The following DCAF6 variants were observed in gnomAD, a reference collection of about 807,000 sequenced individuals.
DCAF6 encodes the protein DDB1 and CUL4 associated factor 6.
A neutral mutation model predicts 125.1 loss-of-function variants in DCAF6; 54 were observed. That is an observed-to-expected ratio of 0.43 (90% CI 0.35 to 0.54). The LOEUF (loss-of-function observed/expected upper bound fraction) is 0.54. Ranked by LOEUF, DCAF6 falls within the 20% of genes least tolerant of loss-of-function variation. The probability of loss-of-function intolerance (pLI) is 0.01; values close to 1 mark genes in which losing one functional copy is unlikely to be tolerated. For missense variants in DCAF6, 934 were observed against 1,161.7 expected, an observed-to-expected ratio of 0.80 and a Z score of 2.85; for synonymous variants, 371 against 390.4, an observed-to-expected ratio of 0.95 and a Z score of 0.58.
the DCAF6 span, among the ~76,000 whole-genome samples, chr1:167,894,901 C>T: frequency 6.6e-6 from 1 of 152,074 alleles, no homozygotes; most frequent in Non-Finnish European, 1.5e-5. Flanking sequence ...AATTGCACTG[C>T]AGGCCGAGCA....
At chr1:167,967,520 TTGACA>T (rs1414951354) in intron 3 of DCAF6, among the ~76,000 whole-genome samples, 1 of 152,198 alleles carries the variant, frequency 6.6e-6, no homozygotes, top group Admixed American at 6.5e-5. Flanking sequence ...TTCTTTACAC[TTGACA>T]TAACAGTTAA....
At position 167,991,195 on chromosome 1, in the gene DCAF6, G is replaced by A. The variant is rs1680772262; in HGVS notation, c.553-9G>A. On this transcript the variant is annotated splice_polypyrimidine_tract_variant and intron_variant, in intron 5 of 21. Transcript: ENST00000367840. Reference sequence around the variant, plus strand: ...CTATATGTAATTGGTATTATGTTATGTTTTGTAGGATATTTTAATTAACTG... The same window carrying A: ...CTATATGTAATTGGTATTATGTTATATTTTGTAGGATATTTTAATTAACTG... The A allele has an allele frequency of 6.2e-7, 1 of 1,608,520 alleles. No individual in the cohort carries two copies. The highest frequency in any genetic ancestry group is 8.5e-7 in the Non-Finnish European group (1 of 1,178,110).
chr1:168,058,829 C>G (rs1467639479), intron 17 of DCAF6, among the ~76,000 whole-genome samples: 2 of 152,188 alleles, frequency 1.3e-5, no homozygotes, highest in African/African-American at 4.8e-5. Flanking sequence ...CTCGGCCTCC[C>G]AAAGTGCTGG....
chr1:168,030,806 G>T (rs1283151527), intron 12 of DCAF6, among the ~76,000 whole-genome samples: 1 of 152,170 alleles, frequency 6.6e-6, no homozygotes, highest in African/African-American at 2.4e-5. Context: ...TTTTACTTAG[G>T]TTATACATTT....
chr1:168,047,418 C>A (rs1286027557), intron 16 of DCAF6, among the ~76,000 whole-genome samples: 1 of 151,998 alleles, frequency 6.6e-6, no homozygotes, highest in Non-Finnish European at 1.5e-5. Flanking sequence ...ATGGTTAAAT[C>A]CAGATTTGAA....
At chr1:167,975,135 A>G in intron 4 of DCAF6, 120 bp downstream of exon 4, 1 of 515,530 alleles carries the variant, frequency 1.9e-6, no homozygotes, top group Admixed American at 4.2e-5. Context: ...CATTTGATGC[A>G]TATAAATTAT....
At chr1:168,070,352 G>A (rs1692875039) in intron 21 of DCAF6, among the ~76,000 whole-genome samples, 1 of 151,986 alleles carries the variant, frequency 6.6e-6, no homozygotes. Flanking sequence ...CTCCTATCCA[G>A]TGTCCTGCAG....
chr1:168,037,096 TC>T (rs796639885), intron 12 of DCAF6, among the ~76,000 whole-genome samples: 3,934 of 141,294 alleles, frequency 0.028, 214 homozygotes, highest in African/African-American at 0.1. Context: ...TATGAGATTC[TC>T]CCCCCCCTTT....
At chr1:167,987,440 G>T in intron 4 of DCAF6, 55 bp from the exon 5 acceptor site, 1 of 860,474 alleles carries the variant, frequency 1.2e-6, no homozygotes, top group South Asian at 1.5e-5. Flanking sequence ...ATGTTTTTCA[G>T]AGCCGTCTGT....
chr1:168,002,700 T>C (rs117253811), intron 8 of DCAF6, 125 bp downstream of exon 8: 8 of 617,120 alleles, frequency 1.3e-5, no homozygotes, highest in East Asian at 6.4e-5. Context: ...GGTATACTTA[T>C]GCAAATATAT....
At chr1:167,893,870 C>G in the DCAF6 span, 1 of 1,612,538 alleles carries the variant, frequency 6.2e-7, no homozygotes, top group Non-Finnish European at 8.5e-7. Flanking sequence ...AAAATGCTTT[C>G]CATCACATAC....
chr1:167,999,483 T>C (rs944881266), intron 7 of DCAF6, among the ~76,000 whole-genome samples: 1 of 152,198 alleles, frequency 6.6e-6, no homozygotes, highest in Non-Finnish European at 1.5e-5. Context: ...TGGCATCTGC[T>C]TCTGATAGAA....
At chr1:168,022,187 A>G (rs1685751748) in intron 11 of DCAF6, among the ~76,000 whole-genome samples, 1 of 152,154 alleles carries the variant, frequency 6.6e-6, no homozygotes, top group Non-Finnish European at 1.5e-5. Flanking sequence ...TTTCCATTTT[A>G]TTATGCTGCC....
At chr1:168,028,228 CTT>C (rs1257163058) in intron 12 of DCAF6, among the ~76,000 whole-genome samples, 5 of 152,062 alleles carry the variant, frequency 3.3e-5, no homozygotes, top group African/African-American at 1.2e-4. Flanking sequence ...ATTATTAAAA[CTT>C]AACAAATTTT....
At chr1:168,005,050 G>A (rs956515227) in intron 10 of DCAF6, among the ~76,000 whole-genome samples, 6 of 152,092 alleles carry the variant, frequency 3.9e-5, no homozygotes, top group Admixed American at 6.6e-5. Flanking sequence ...ATAGTGTTTT[G>A]ACATAGTTTA....
At chr1:167,987,114 G>T (rs1406802800) in intron 4 of DCAF6, among the ~76,000 whole-genome samples, 1 of 152,082 alleles carries the variant, frequency 6.6e-6, no homozygotes, top group Non-Finnish European at 1.5e-5. Context: ...AAGAAAATTT[G>T]CTTACGTATT....
chr1:168,032,308 A>G (rs570863558), intron 12 of DCAF6, among the ~76,000 whole-genome samples: 8 of 152,228 alleles, frequency 5.3e-5, no homozygotes, highest in Non-Finnish European at 1.0e-4. Context: ...TGTAGGGTAG[A>G]TAGATCTTCT....
intron 5 of DCAF6, among the ~76,000 whole-genome samples, chr1:167,990,094 G>C (rs565684610): frequency 1.2e-4 from 18 of 152,238 alleles, no homozygotes; most frequent in African/African-American, 3.9e-4. Flanking sequence ...TAAGTAAAAA[G>C]TATAAAATAT....
At chr1:167,904,626 T>G in the DCAF6 span, 1 of 526,242 alleles carries the variant, frequency 1.9e-6, no homozygotes, top group Admixed American at 3.3e-5. Flanking sequence ...GGTGGCAAGT[T>G]TATTAGTAAG....
Sources: gnomAD v4.1 joint callset for allele counts (sites outside exome capture counted in the v4.1 genomes callset) on GRCh38, gnomAD v4.1.1 for gene constraint, MANE v1.5 for transcripts, NCBI Gene and HGNC (gene_info 2026-07-23, HGNC 2026-07-21) for gene names.